The following RELCH variants were observed in gnomAD, a reference collection of about 807,000 sequenced individuals.
The protein encoded by RELCH is RAB11-binding protein RELCH.
RELCH carries 41 observed loss-of-function variants against 150.3 expected under a neutral mutation model. The observed-to-expected ratio is 0.27, with a 90% CI of 0.21 to 0.35. The LOEUF (loss-of-function observed/expected upper bound fraction) is 0.35. Ranked by LOEUF, RELCH falls within the 10% of genes least tolerant of loss-of-function variation. RELCH has a pLI of 1.00. For missense variants in RELCH, 1,092 were observed against 1,467.8 expected, an observed-to-expected ratio of 0.74 and a Z score of 4.18; for synonymous variants, 478 against 531.8, an observed-to-expected ratio of 0.90 and a Z score of 1.39.
At chr18:62,226,262 G>T (rs1019019052) in intron 5 of RELCH, among the ~76,000 whole-genome samples, 4 of 152,016 alleles carry the variant, frequency 2.6e-5, no homozygotes, top group Admixed American at 6.6e-5. Flanking sequence ...ATTTTATGAA[G>T]CTCTTCTAAA....
intron 10 of RELCH, among the ~76,000 whole-genome samples, chr18:62,233,992 TATA>T (rs2041738711): frequency 6.6e-6 from 1 of 151,888 alleles, no homozygotes; most frequent in African/African-American, 2.4e-5. Context: ...TTAAATTTTT[TATA>T]ATTAAAAAAT....
intron 13 of RELCH, among the ~76,000 whole-genome samples, chr18:62,257,569 A>G (rs2043051443): frequency 6.6e-6 from 1 of 152,046 alleles, no homozygotes; most frequent in Non-Finnish European, 1.5e-5. Context: ...TAGAGTTTGT[A>G]GTAGACTTTG....
At chr18:62,302,147 G>A (rs2045692434) in intron 28 of RELCH, among the ~76,000 whole-genome samples, 1 of 152,144 alleles carries the variant, frequency 6.6e-6, no homozygotes, top group African/African-American at 2.4e-5. Context: ...GAGTGAAGGA[G>A]AACAGAATCA....
intron 2 of RELCH, among the ~76,000 whole-genome samples, chr18:62,214,422 G>A (rs1370043118): frequency 1.3e-5 from 2 of 152,136 alleles, no homozygotes; most frequent in African/African-American, 2.4e-5. Context: ...TGAATTACAC[G>A]TAAACCTCAT....
At chr18:62,272,089 T>C (rs2043934013) in intron 20 of RELCH, among the ~76,000 whole-genome samples, 1 of 152,202 alleles carries the variant, frequency 6.6e-6, no homozygotes, top group Non-Finnish European at 1.5e-5. Flanking sequence ...AGTATCCTTT[T>C]AAATTTTTCT....
In RELCH at chr18:62,232,175, C is replaced by CTGT. The variant is rs770631173; in HGVS notation, c.1525-155_1525-154insTTG. ...ACTGTTGCTGTTGTTGCTGCTGCTG[C>CTGT]TGCTGTTGTTGTTGTTGTTGTTGTT... On this transcript the variant is annotated intron_variant, in intron 9 of 28. Transcript: ENST00000644646. Among the ~76,000 whole-genome samples, 45 of 150,918 alleles carry CTGT rather than the reference C, an allele frequency of 3.0e-4. 1 individual carries two copies. The South Asian group carries it at 5.0e-3, about 17-fold the overall frequency.
chr18:62,269,425 G>T, intron 20 of RELCH: 1 of 432,192 alleles, frequency 2.3e-6, no homozygotes, highest in Non-Finnish European at 4.6e-6. Flanking sequence ...AGGAGTATTT[G>T]CATATACATA....
At position 62,280,309 on chromosome 18, in the gene RELCH, C is replaced by G. The variant is rs370183974; in HGVS notation, c.3051-337C>G. On this transcript the variant is annotated intron_variant, in intron 23 of 28. Transcript: ENST00000644646. ...ATCCTCAGTCACAGCTAACCCAGTT[C>G]TTATTCCAGTTTACCAAACCATTTT... The G allele has an allele frequency of 1.1e-5, 16 of 1,482,046 alleles. No homozygotes were observed. In the African/African-American group the frequency reaches 1.8e-4, roughly 17 times the overall value. The allele number at this position is 1,482,046 out of a possible 1,614,324, so 91.8% of individuals were successfully genotyped here. A position where few individuals can be genotyped will look rare whatever the true frequency, so the allele number is the denominator to read the frequency against.
intron 12 of RELCH, among the ~76,000 whole-genome samples, chr18:62,254,398 G>C (rs2042888106): frequency 6.6e-6 from 1 of 151,768 alleles, no homozygotes; most frequent in Non-Finnish European, 1.5e-5. Context: ...TTTTTAGTTT[G>C]TTCATTGCTA....
chr18:62,228,249 A>G, intron 7 of RELCH, 56 bp from the exon 8 acceptor site: 2 of 1,346,302 alleles, frequency 1.5e-6, no homozygotes, highest in Middle Eastern at 1.9e-4. Context: ...GATTTATGCT[A>G]GTTTTCAAAA....
intron 11 of RELCH, among the ~76,000 whole-genome samples, chr18:62,251,799 C>G (rs1056994554): frequency 1.3e-5 from 2 of 152,082 alleles, no homozygotes; most frequent in African/African-American, 4.8e-5. Flanking sequence ...GAAACTGAAG[C>G]ATTGGGCATA....
chr18:62,273,218 TA>T (rs761218555), intron 20 of RELCH, among the ~76,000 whole-genome samples: 2 of 152,022 alleles, frequency 1.3e-5, no homozygotes, highest in East Asian at 1.9e-4. Context: ...CATAAAACAT[TA>T]TTTTTTTTAC....
In RELCH at chr18:62,305,397, T is replaced by A; in HGVS notation, c.3531-17T>A. On this transcript the variant is annotated splice_polypyrimidine_tract_variant and intron_variant, in intron 28 of 28. Transcript: ENST00000644646. This position sits in a 1 kb window ranked among gnomAD's most constrained non-coding sequence, Gnocchi z 4.0. ...TTTTTTAATTGCTTTACATGAATTT[T>A]AAATTTTCTTTCCTAGCTCAATGTC... 6.3e-7 allele frequency: 1 copy of A among 1,576,968 alleles called. No homozygotes were observed. Among genetic ancestry groups the A allele is most frequent in the South Asian group, 1.2e-5 (1 of 83,412 alleles).
intron 1 of RELCH, among the ~76,000 whole-genome samples, chr18:62,189,659 T>C (rs1568284664): frequency 1.3e-5 from 2 of 152,264 alleles, no homozygotes; most frequent in South Asian, 2.1e-4. Flanking sequence ...AAGAATTTCT[T>C]GACCTTTTCA....
intron 20 of RELCH, among the ~76,000 whole-genome samples, chr18:62,271,010 G>C (rs1286216943): frequency 6.6e-6 from 1 of 152,124 alleles, no homozygotes. Flanking sequence ...ATTTGGGTTG[G>C]TTCCAAGTCT....
At position 62,291,579 on chromosome 18, in the gene RELCH, C is replaced by G. The variant is rs1402254946; in HGVS notation, c.3407C>G (p.Pro1136Arg). ...SEDLMVNHFL[P>R]GLRCLRTDME... ...GATTTAATGGTTAATCACTTTTTAC[C>G]TGGTCTCAGATGTTTACGGACTGAC... The change falls in exon 27 of 29, where the codon CCT (proline) becomes CGT (arginine). Residue 1136 changes from proline (P) to arginine (R), a missense_variant. Pro to Arg is a moderately radical substitution (Grantham distance 103). Transcript: ENST00000644646. 3 of 1,610,360 alleles carry G rather than the reference C, an allele frequency of 1.9e-6. No homozygotes were observed. Among genetic ancestry groups the G allele is most frequent in the African/African-American group, 2.7e-5 (2 of 74,728 alleles).
intron 8 of RELCH, among the ~76,000 whole-genome samples, chr18:62,229,402 C>T (rs566449797): frequency 5.9e-5 from 9 of 151,778 alleles, no homozygotes; most frequent in Non-Finnish European, 1.0e-4. Flanking sequence ...CTTATAGGTT[C>T]CCATTATTAC....
rs2042772982 is a variant in RELCH at position 62,252,537 on chromosome 18, A to G, written c.1734-127A>G. 5.9e-6 allele frequency: 4 copies of G among 679,712 alleles called. No homozygotes were observed. In the East Asian group the frequency reaches 1.1e-4, roughly 19 times the overall value. The allele number at this position is 679,712 out of a possible 1,614,324, so 42.1% of individuals were successfully genotyped here. ...ATCTCAAAAAAAATAAATAAATAAA[A>G]AGTCTAATTTGATTGTATAAAAATC... On this transcript the variant is annotated intron_variant, in intron 11 of 28. Transcript: ENST00000644646.
chr18:62,227,423 T>C lies in RELCH; in HGVS notation c.993T>C (p.Asp331=). Residue 331 remains aspartate (D), a synonymous_variant, in exon 6 of 29, where the codon GAT becomes GAC. Coordinates refer to ENST00000644646, the MANE Select transcript of RELCH (RefSeq NM_001346231.2). ...ATGTGGCCAGTGGAGTAGAAGAAGA[T>C]GAATTAGAGGCCCTTACACCAATTA... ...LVDVASGVEE[D]ELEALTPIIS... is the part of the protein sequence containing the mutation. The C allele has an allele frequency of 2.5e-6, 4 of 1,613,342 alleles. No homozygotes were observed. Among genetic ancestry groups the C allele is most frequent in the Non-Finnish European group, 2.5e-6 (3 of 1,179,610 alleles).
Sources: gnomAD v4.1 joint callset for allele counts (sites outside exome capture counted in the v4.1 genomes callset) on GRCh38, gnomAD v4.1.1 for gene constraint, Gnocchi (gnomAD v3.1) non-coding constraint, MANE v1.5 for transcripts, NCBI Gene and HGNC (gene_info 2026-07-23, HGNC 2026-07-21) for gene names.